SPX: variants seen among roughly 807,000 people sequenced by gnomAD.
The protein encoded by SPX is spexin hormone.
SPX carries 22 observed loss-of-function variants against 19.2 expected under a neutral mutation model. That is an observed-to-expected ratio of 1.15 (90% CI 0.82 to 1.64). The LOEUF is 1.64. Among genes scored for constraint, SPX ranks in the 40% most tolerant of loss-of-function variants. The pLI, the probability that SPX is intolerant of heterozygous loss-of-function variation, is 0.00. For missense variants in SPX, 143 were observed against 137.7 expected (o/e 1.04, Z -0.19); for synonymous variants, 50 against 53.3 (o/e 0.94, Z 0.27).
At chr12:21,528,891 C>A in intron 4 of SPX, 110 bp from the exon 5 acceptor site, 1 of 984,704 alleles carries the variant, frequency 1.0e-6, no homozygotes, top group African/African-American at 1.6e-5. Flanking sequence ...GTTGAGGGGT[C>A]AAAATCTATT....
At chr12:21,527,658 G>C in intron 3 of SPX, 69 bp from the exon 4 acceptor site, 1 of 1,459,316 alleles carries the variant, frequency 6.9e-7, no homozygotes. Context: ...TGTGCCGGGA[G>C]GAGCTGAGGT....
Position 21,532,720 on chromosome 12 carries a change from CA to C in SPX, c.*1529del, listed in dbSNP as rs1213907700. 1 of 152,120 alleles carries C rather than the reference CA, an allele frequency of 6.6e-6. No homozygotes were observed. Among genetic ancestry groups the C allele is most frequent in the Non-Finnish European group, 1.5e-5 (1 of 68,008 alleles). 9.4% of individuals were successfully genotyped at this position (152,120 alleles called of 1,614,324 possible). A position where few individuals can be genotyped will look rare whatever the true frequency, so the allele number is the denominator to read the frequency against. On this transcript the variant is annotated 3_prime_UTR_variant, in exon 6 of 6. Transcript: ENST00000256969. ...CATAAAATTGTACAAATTGACTATTCAAAATAGTATGTGTATTCAAAGAACA... is the reference window on the plus strand; with the variant it reads ...CATAAAATTGTACAAATTGACTATTCAAATAGTATGTGTATTCAAAGAACA...
At position 21,531,142 on chromosome 12, in the gene SPX, G is replaced by GA. The variant is rs750111618; in HGVS notation, c.305dup (p.Asn102LysfsTer3). 1.3e-6 allele frequency: 2 copies of GA among 1,578,574 alleles called. No homozygotes were observed. The highest frequency in any genetic ancestry group is 1.2e-5 in the South Asian group (1 of 86,660). ...AGAATTTTTTTTTCTTACAGATGAA[G>GA]AAAAAAACTTTGATCAAACCAGATT... On this transcript the variant is annotated frameshift_variant, in exon 6 of 6. Transcript: ENST00000256969. LOFTEE classifies it high-confidence loss of function.
chr12:21,528,779 T>C (rs1037949173), intron 4 of SPX, among the ~76,000 whole-genome samples: 1 of 152,248 alleles, frequency 6.6e-6, no homozygotes, highest in Non-Finnish European at 1.5e-5. Context: ...TTTAACATTC[T>C]CTTCCATACC....
intron 4 of SPX, chr12:21,528,182 G>A (rs761954907): frequency 2.0e-4 from 34 of 169,696 alleles, no homozygotes; most frequent in Non-Finnish European, 4.0e-4. Context: ...CTATGCAAAT[G>A]CTTCTAGAAA....
chr12:21,529,143 A>T, intron 5 of SPX, 59 bp downstream of exon 5: 10 of 1,538,410 alleles, frequency 6.5e-6, no homozygotes, highest in Non-Finnish European at 9.0e-6. Flanking sequence ...TACTTTCGGG[A>T]TTCTGTGTTG....
rs1044019766 is a variant in SPX at position 21,531,496 on chromosome 12, A to G, written c.*301A>G. On this transcript the variant is annotated 3_prime_UTR_variant, in exon 6 of 6. Coordinates refer to ENST00000256969, the MANE Select transcript of SPX (RefSeq NM_030572.4). ...ACTAAAGTGTTCTTTCCTTTTAACT[A>G]TAGCCAGTACCTGTCTTGATCTTAG... 4.4e-5 allele frequency: 9 copies of G among 206,442 alleles called. No homozygotes were observed. The East Asian group carries it at 7.3e-4, about 17-fold the overall frequency. 12.8% of individuals were successfully genotyped at this position (206,442 alleles called of 1,614,324 possible).
chr12:21,532,174 A>C lies in SPX; in HGVS notation c.*979A>C, dbSNP rs1054637. On this transcript the variant is annotated 3_prime_UTR_variant, in exon 6 of 6. Transcript: ENST00000256969. ...CATATACCCACACACGCATACACAC[A>C]TACTCCTGTGGCAAACATAATAATG... is the stretch of plus-strand genomic sequence containing the variant. The C allele has an allele frequency of 0.5, 76,201 of 152,048 alleles. 21,031 individuals are homozygous for C. Among genetic ancestry groups the C allele is most frequent in the East Asian group, 0.72 (3,748 of 5,170 alleles). 9.4% of individuals were successfully genotyped at this position (152,048 alleles called of 1,614,324 possible).
chr12:21,531,526 G>GT lies in SPX; in HGVS notation c.*340dup, dbSNP rs56157528. The GT allele has an allele frequency of 0.021, 3,279 of 157,988 alleles. 66 individuals carry two copies. Among genetic ancestry groups the GT allele is most frequent in the Non-Finnish European group, 0.023 (1,655 of 73,156 alleles). 9.8% of individuals were successfully genotyped at this position (157,988 alleles called of 1,614,324 possible). A position where few individuals can be genotyped will look rare whatever the true frequency, so the allele number is the denominator to read the frequency against. On this transcript the variant is annotated 3_prime_UTR_variant, in exon 6 of 6. Coordinates refer to ENST00000256969, the MANE Select transcript of SPX (RefSeq NM_030572.4). ...CAGTACCTGTCTTGATCTTAGTTGT[G>GT]TTTTTTTTTCATTTTGTTACCCACT...
chr12:21,527,923 A>G, intron 4 of SPX, 134 bp downstream of exon 4: 2 of 1,011,886 alleles, frequency 2.0e-6, no homozygotes, highest in Non-Finnish European at 2.8e-6. Context: ...GCGCCCTCAG[A>G]TACAGTCCGC....
intron 5 of SPX, among the ~76,000 whole-genome samples, chr12:21,530,138 A>G (rs1371183695): frequency 6.6e-6 from 1 of 152,212 alleles, no homozygotes; most frequent in African/African-American, 2.4e-5. Context: ...CTGAAGATGA[A>G]ATGACTAATT....
Position 21,531,526 on chromosome 12 carries a change from G to GTTTT in SPX, c.*337_*340dup, listed in dbSNP as rs56157528. On this transcript the variant is annotated 3_prime_UTR_variant, in exon 6 of 6. Transcript: ENST00000256969. ...CAGTACCTGTCTTGATCTTAGTTGT[G>GTTTT]TTTTTTTTTCATTTTGTTACCCACT... The GTTTT allele has an allele frequency of 0.023, 3,603 of 158,096 alleles. 113 individuals are homozygous for GTTTT. The highest frequency in any genetic ancestry group is 0.17 in the East Asian group (997 of 5,712). The allele number at this position is 158,096 out of a possible 1,614,324, so 9.8% of individuals were successfully genotyped here.
In SPX at chr12:21,528,680, T is replaced by C. The variant is rs939553613; in HGVS notation, c.209-321T>C. Among the ~76,000 whole-genome samples, 15 of 152,338 alleles carry C rather than the reference T, an allele frequency of 9.8e-5. No homozygotes were observed. The Middle Eastern group carries it at 0.01, about 104-fold the overall frequency. Reference sequence around the variant, plus strand: ...AACTTAGATTTGAAATAACTTTGAGTTCTTAGCAGATACTCCTTCAGTCAA... The same window carrying C: ...AACTTAGATTTGAAATAACTTTGAGCTCTTAGCAGATACTCCTTCAGTCAA... On this transcript the variant is annotated intron_variant, in intron 4 of 5. Coordinates refer to ENST00000256969, the MANE Select transcript of SPX (RefSeq NM_030572.4).
chr12:21,527,972 G>A, intron 4 of SPX, 183 bp downstream of exon 4: 1 of 619,318 alleles, frequency 1.6e-6, no homozygotes, highest in Non-Finnish European at 2.7e-6. Flanking sequence ...GCAGCTGGAT[G>A]CCGAGCGCCG....
At chr12:21,529,815 T>C (rs1943846716) in intron 5 of SPX, among the ~76,000 whole-genome samples, 1 of 152,116 alleles carries the variant, frequency 6.6e-6, no homozygotes, top group Non-Finnish European at 1.5e-5. Context: ...GAATAACGGG[T>C]AGAGGATGCT....
chr12:21,532,730 T>A lies in SPX; in HGVS notation c.*1535T>A, dbSNP rs1159367847. On this transcript the variant is annotated 3_prime_UTR_variant, in exon 6 of 6. Coordinates refer to ENST00000256969, the MANE Select transcript of SPX (RefSeq NM_030572.4). ...TACAAATTGACTATTCAAAATAGTA[T>A]GTGTATTCAAAGAACACTTTTAACA... The A allele has an allele frequency of 2.0e-5, 3 of 152,224 alleles. No individual in the cohort carries two copies. The highest frequency in any genetic ancestry group is 1.9e-4 in the East Asian group (1 of 5,200). The allele number at this position is 152,224 out of a possible 1,614,324, so 9.4% of individuals were successfully genotyped here.
chr12:21,526,768 T>A (rs1244860415), intron 1 of SPX, 118 bp from the exon 2 acceptor site: 8 of 1,018,892 alleles, frequency 7.9e-6, no homozygotes, highest in Non-Finnish European at 1.2e-5. Context: ...GAAAACTGAG[T>A]ATTAAAACAG....
At chr12:21,528,885 A>G (rs2306178) in intron 4 of SPX, 116 bp from the exon 5 acceptor site, 129,126 of 877,488 alleles carry the variant, frequency 0.15, 10,316 homozygotes, top group African/African-American at 0.23. Context: ...TCCTTTGTTG[A>G]GGGGTCAAAA....
At chr12:21,528,537 A>T (rs375669392) in intron 4 of SPX, among the ~76,000 whole-genome samples, 49 of 152,354 alleles carry the variant, frequency 3.2e-4, no homozygotes, top group African/African-American at 1.2e-3. Flanking sequence ...TAGGCTCTTC[A>T]AACATGCTGT....
Sources: allele counts gnomAD v4.1 joint callset (sites outside exome capture counted in the v4.1 genomes callset), GRCh38; gene constraint gnomAD v4.1.1; transcripts MANE v1.5; gene names NCBI Gene and HGNC (gene_info 2026-07-23, HGNC 2026-07-21).